LYRM4: variants seen among roughly 807,000 people sequenced by gnomAD.
The protein encoded by LYRM4 is LYR motif-containing protein 4.
LYRM4 carries 9 observed loss-of-function variants against 11.7 expected under a neutral mutation model. The ratio of observed to expected loss-of-function variants is 0.77; its 90% CI spans 0.46 to 1.34. The LOEUF is 1.34. LYRM4 is among the 40% of genes most tolerant of loss of function. The pLI is 0.00. For missense variants in LYRM4, 133 were observed against 112.5 expected (o/e 1.18, Z -0.82); for synonymous variants, 42 against 40.4 (o/e 1.04, Z -0.15).
chr6:5,131,480 A>G (rs1231076065), intron 2 of LYRM4, among the ~76,000 whole-genome samples: 1 of 152,250 alleles, frequency 6.6e-6, no homozygotes, highest in Non-Finnish European at 1.5e-5. Flanking sequence ...CAGGAGGATC[A>G]CTTGAGGCCA....
the LYRM4 span, among the ~76,000 whole-genome samples, chr6:5,044,714 C>T: frequency 6.6e-6 from 1 of 152,214 alleles, no homozygotes; most frequent in Non-Finnish European, 1.5e-5. Flanking sequence ...AACTGTCCTG[C>T]ACTGGATGAC....
intron 2 of LYRM4, among the ~76,000 whole-genome samples, chr6:5,110,978 G>A (rs975207168): frequency 5.9e-5 from 9 of 152,118 alleles, no homozygotes; most frequent in African/African-American, 1.4e-4. Flanking sequence ...CAGGGGCTAC[G>A]GTACAGTCAC....
At chr6:5,191,018 G>T (rs1184356281) in intron 2 of LYRM4, among the ~76,000 whole-genome samples, 3 of 151,958 alleles carry the variant, frequency 2.0e-5, no homozygotes, top group African/African-American at 7.3e-5. Flanking sequence ...TACATTATTT[G>T]ATCTAGTTAT....
intron 2 of LYRM4, among the ~76,000 whole-genome samples, chr6:5,110,625 A>G (rs1053653595): frequency 3.3e-5 from 5 of 152,184 alleles, no homozygotes; most frequent in African/African-American, 1.2e-4. Flanking sequence ...CGAGAAGTAG[A>G]CAGTGGAGAT....
At chr6:5,052,499 G>A in the LYRM4 span, among the ~76,000 whole-genome samples, 1 of 151,928 alleles carries the variant, frequency 6.6e-6, no homozygotes, top group East Asian at 1.9e-4. Flanking sequence ...TCACTATGTT[G>A]CCCAGGCTGT....
the LYRM4 span, among the ~76,000 whole-genome samples, chr6:5,054,801 A>G: frequency 6.6e-6 from 1 of 152,232 alleles, no homozygotes; most frequent in African/African-American, 2.4e-5. Flanking sequence ...TAGCAATAAC[A>G]TACCACATTC....
the LYRM4 span, among the ~76,000 whole-genome samples, chr6:5,069,429 A>G: frequency 6.6e-6 from 1 of 150,390 alleles, no homozygotes; most frequent in Non-Finnish European, 1.5e-5. Flanking sequence ...TATATTTTCC[A>G]CAATACATAT....
At chr6:5,096,413 C>A in the LYRM4 span, among the ~76,000 whole-genome samples, 1 of 152,148 alleles carries the variant, frequency 6.6e-6, no homozygotes, top group African/African-American at 2.4e-5. Context: ...TTGCTTGAGC[C>A]TGGGAGGTAG....
chr6:5,073,560 T>C, the LYRM4 span, among the ~76,000 whole-genome samples: 6 of 148,192 alleles, frequency 4.0e-5, no homozygotes, highest in South Asian at 4.2e-4. Flanking sequence ...ATAAATACTA[T>C]ATTATATATA....
At chr6:5,076,790 GAA>G in the LYRM4 span, among the ~76,000 whole-genome samples, 15 of 152,198 alleles carry the variant, frequency 9.9e-5, no homozygotes, top group Non-Finnish European at 2.1e-4. Context: ...CTGTTCTGCT[GAA>G]AATGCCGGCT....
intron 2 of LYRM4, among the ~76,000 whole-genome samples, chr6:5,117,695 A>T (rs1476101117): frequency 1.3e-5 from 2 of 152,096 alleles, no homozygotes; most frequent in African/African-American, 4.8e-5. Flanking sequence ...TTTGTATACA[A>T]ATGTTTTCCC....
the LYRM4 span, among the ~76,000 whole-genome samples, chr6:5,092,645 G>C: frequency 2.0e-5 from 3 of 152,148 alleles, no homozygotes; most frequent in Admixed American, 2.0e-4. Flanking sequence ...TTGAACCCGG[G>C]AAGCAGAGGT....
downstream of LYRM4, among the ~76,000 whole-genome samples, chr6:5,101,286 C>T (rs421473): frequency 0.62 from 94,011 of 152,084 alleles, 30,264 homozygotes; most frequent in East Asian, 0.8. Flanking sequence ...TTAAGGACAA[C>T]GCAAAACGTT....
At chr6:5,223,543 A>G (rs974258558) in intron 1 of LYRM4, among the ~76,000 whole-genome samples, 12 of 152,132 alleles carry the variant, frequency 7.9e-5, no homozygotes, top group Non-Finnish European at 1.8e-4. Flanking sequence ...TATAAAGCCG[A>G]GTGGTTGTCC....
intron 1 of LYRM4, among the ~76,000 whole-genome samples, chr6:5,231,278 T>C (rs764109517): frequency 2.0e-5 from 3 of 152,022 alleles, no homozygotes; most frequent in Non-Finnish European, 4.4e-5. Flanking sequence ...CAACCATTCA[T>C]AAGAAAGCTA....
chr6:5,181,260 C>G (rs951062704), intron 2 of LYRM4, among the ~76,000 whole-genome samples: 22 of 152,158 alleles, frequency 1.4e-4, no homozygotes, highest in African/African-American at 4.8e-4. Flanking sequence ...TAGAATTGTC[C>G]TGCATAGCTC....
Position 5,253,835 on chromosome 6 carries a change from A to C in LYRM4, c.86+6813T>G, listed in dbSNP as rs1394976946. 6.5e-4 allele frequency among the ~76,000 whole-genome samples: 4 copies of C among 6,194 alleles called. No individual in the cohort carries two copies. The African/African-American group carries it at 0.026, about 40-fold the overall frequency. 4.1% of individuals were successfully genotyped at this position (6,194 alleles called of 152,430 possible). A position where few individuals can be genotyped will look rare whatever the true frequency, so the allele number is the denominator to read the frequency against. ...ATAAGTGGGTGCCTCATGCTGAGCA[A>C]AAAAAAAAAAAAACCATCGTTTTGA... is the stretch of plus-strand genomic sequence containing the variant. On this transcript the variant is annotated intron_variant, in intron 1 of 2. Coordinates refer to ENST00000330636, the MANE Select transcript of LYRM4 (RefSeq NM_020408.6).
At chr6:5,151,076 T>G (rs1758059069) in intron 2 of LYRM4, among the ~76,000 whole-genome samples, 1 of 136,734 alleles carries the variant, frequency 7.3e-6, no homozygotes. Context: ...GCCTTTTGTT[T>G]GTTTTGAATT....
chr6:5,130,184 C>T (rs1306013055), intron 2 of LYRM4, among the ~76,000 whole-genome samples: 1 of 152,166 alleles, frequency 6.6e-6, no homozygotes, highest in African/African-American at 2.4e-5. Flanking sequence ...AGGTCTTGGG[C>T]CTGGGCGTGG....
Sources: gnomAD v4.1 joint callset for allele counts (sites outside exome capture counted in the v4.1 genomes callset) on GRCh38, gnomAD v4.1.1 for gene constraint, MANE v1.5 for transcripts, NCBI Gene and HGNC (gene_info 2026-07-23, HGNC 2026-07-21) for gene names.